USP40: variants seen among roughly 807,000 people sequenced by gnomAD.
The protein encoded by USP40 is ubiquitin carboxyl-terminal hydrolase 40.
In USP40, 143 loss-of-function variants were observed where a neutral mutation model predicts 166.2. The ratio of observed to expected loss-of-function variants is 0.86; its 90% CI spans 0.75 to 0.99. The LOEUF is 0.99. Ranked by LOEUF, USP40 falls within the 50% of genes least tolerant of loss-of-function variation. USP40 has a pLI of 0.00. For synonymous variants in USP40, 498 were observed against 524.0 expected (o/e 0.95, Z 0.68); for missense variants, 1,444 against 1,479.7 (o/e 0.98, Z 0.40).
chr2:233,561,286 C>T (rs1331584133), intron 3 of USP40: 1 of 1,348,896 alleles, frequency 7.4e-7, no homozygotes. Flanking sequence ...AAGAACAAAG[C>T]TGGAGGCATC....
In USP40 at chr2:233,565,529, T is replaced by G; in HGVS notation, c.26A>C (p.Glu9Ala). 1.3e-6 allele frequency: 2 copies of G among 1,537,304 alleles called. No homozygotes were observed. Among genetic ancestry groups the G allele is most frequent in the Non-Finnish European group, 1.7e-6 (2 of 1,146,844 alleles). The change falls in exon 2 of 32, where the codon GAG becomes GCG. Residue 9 changes from glutamate (E) to alanine (A), a missense_variant. Physicochemically the swap from Glu to Ala is moderately radical, Grantham distance 107. Transcript: ENST00000678225. ...CTGATTATTAGACACAGTGGAATAC[T>G]CCTCTTCAAACAGGTCCCCAAACAT... MFGDLFEE[E>A]YSTVSNNQYG...
chr2:233,538,303 ATAAC>A (rs2069089067), intron 10 of USP40, among the ~76,000 whole-genome samples: 1 of 152,292 alleles, frequency 6.6e-6, no homozygotes, highest in African/African-American at 2.4e-5. Flanking sequence ...ATTAATGTAA[ATAAC>A]TAAACATTCT....
intron 18 of USP40, among the ~76,000 whole-genome samples, chr2:233,513,894 T>C (rs975996304): frequency 4.6e-5 from 7 of 152,128 alleles, no homozygotes; most frequent in African/African-American, 4.8e-5. Flanking sequence ...TAGACAACAA[T>C]AGTCTGAGCC....
At chr2:233,494,962 A>ATATATATATATATATATATATATT (rs2065642542) in intron 24 of USP40, among the ~76,000 whole-genome samples, 1 of 71,398 alleles carries the variant, frequency 1.4e-5, no homozygotes. Flanking sequence ...ATATTTATAT[A>ATATATATATATATATATATATATT]TATATATATA....
Position 233,519,640 on chromosome 2 carries a change from T to C in USP40, c.2357A>G (p.Lys786Arg), listed in dbSNP as rs2067513247. 1 of 1,434,596 alleles carries C rather than the reference T, an allele frequency of 7.0e-7. No homozygotes were observed. The highest frequency in any genetic ancestry group is 2.0e-5 in the Admixed American group (1 of 49,258). The allele number at this position is 1,434,596 out of a possible 1,614,324, so 88.9% of individuals were successfully genotyped here. A position where few individuals can be genotyped will look rare whatever the true frequency, so the allele number is the denominator to read the frequency against. Residue 786 changes from lysine to arginine, a missense_variant, in exon 18 of 32, where the codon AAG becomes AGG. Coordinates refer to ENST00000678225, the MANE Select transcript of USP40 (RefSeq NM_001365479.2). The stretch of plus-strand genomic sequence containing the variant: ...TAGTTCCTTCATTAATTTTAATTCC[T>C]TTATGGCTTTAATTCGAATATCAAA... Reference protein sequence around the residue: ...MVFDIRIKAIKELKLMKELAD... With the variant: ...MVFDIRIKAIRELKLMKELAD...
intron 25 of USP40, among the ~76,000 whole-genome samples, chr2:233,492,285 G>C (rs528237763): frequency 3.9e-5 from 6 of 152,138 alleles, no homozygotes; most frequent in Non-Finnish European, 8.8e-5. Flanking sequence ...TGTGTAGGAG[G>C]CTCTACCATC....
chr2:233,562,460 C>T (rs576974088), intron 3 of USP40, among the ~76,000 whole-genome samples: 20 of 149,924 alleles, frequency 1.3e-4, no homozygotes, highest in Non-Finnish European at 2.8e-4. Context: ...TAAACTATCG[C>T]AAGAACAAAA....
chr2:233,518,972 T>G (rs838548), intron 18 of USP40, among the ~76,000 whole-genome samples: 31,684 of 152,126 alleles, frequency 0.21, 3,380 homozygotes, highest in African/African-American at 0.22. Flanking sequence ...AATCATGGAC[T>G]AACCTCAAAA....
chr2:233,525,768 C>T (rs72982325), intron 13 of USP40, among the ~76,000 whole-genome samples: 13,936 of 152,188 alleles, frequency 0.092, 675 homozygotes, highest in South Asian at 0.13. Flanking sequence ...CTCCTCCATT[C>T]CTGAGTGAAG....
rs1187702433 is a variant in USP40, at chr2:233,499,824, C to T, written c.2650+55G>A. The T allele has an allele frequency of 2.7e-5, 42 of 1,546,840 alleles. No homozygotes were observed. The East Asian group carries it at 9.1e-4, about 33-fold the overall frequency. On this transcript the variant is annotated intron_variant, in intron 22 of 31. Coordinates refer to ENST00000678225, the MANE Select transcript of USP40 (RefSeq NM_001365479.2). ...CTACAACCCTGGAGAAAAAAAAAGT[C>T]AAAAAAATTTTTATTAGGCTTTTAA...
chr2:233,532,451 T>A (rs1046304054), intron 11 of USP40, among the ~76,000 whole-genome samples: 1 of 152,196 alleles, frequency 6.6e-6, no homozygotes, highest in Non-Finnish European at 1.5e-5. Flanking sequence ...GAGGTGAGCA[T>A]GAAGTGGCCA....
chr2:233,522,485 G>A (rs1431395865), intron 16 of USP40, among the ~76,000 whole-genome samples: 1 of 152,206 alleles, frequency 6.6e-6, no homozygotes, highest in East Asian at 1.9e-4. Flanking sequence ...TATAAATAAT[G>A]ATACAGACAT....
At chr2:233,518,239 A>G (rs2125196555) in intron 18 of USP40, among the ~76,000 whole-genome samples, 1 of 123,440 alleles carries the variant, frequency 8.1e-6, no homozygotes, top group Non-Finnish European at 1.7e-5. Flanking sequence ...AAACCAAACC[A>G]GTAACAGATT....
At chr2:233,542,583 C>G (rs750327312) in intron 8 of USP40, 89 of 382,118 alleles carry the variant, frequency 2.3e-4, no homozygotes, top group Non-Finnish European at 4.0e-4. Flanking sequence ...GAGGTTGAGG[C>G]GGGAGGACTG....
chr2:233,486,088 G>A lies in USP40; in HGVS notation c.3198-111C>T. Reference sequence around the variant, plus strand: ...CTCCAGCTTTTCTGGTTTTTATAAGGAGAGATTTTTCCCTAAATGCTGGAT... The same window carrying A: ...CTCCAGCTTTTCTGGTTTTTATAAGAAGAGATTTTTCCCTAAATGCTGGAT... On this transcript the variant is annotated intron_variant, in intron 28 of 31. Coordinates refer to ENST00000678225, the MANE Select transcript of USP40 (RefSeq NM_001365479.2). This position sits in a 1 kb window ranked among gnomAD's most constrained non-coding sequence, Gnocchi z 4.0. 8.1e-7 allele frequency: 1 copy of A among 1,229,774 alleles called. No individual in the cohort carries two copies. The highest frequency in any genetic ancestry group is 1.1e-6 in the Non-Finnish European group (1 of 899,604). The allele number at this position is 1,229,774 out of a possible 1,614,324, so 76.2% of individuals were successfully genotyped here. A position where few individuals can be genotyped will look rare whatever the true frequency, so the allele number is the denominator to read the frequency against.
At chr2:233,494,977 TA>T (rs1559224540) in intron 24 of USP40, among the ~76,000 whole-genome samples, 1 of 96,736 alleles carries the variant, frequency 1.0e-5, no homozygotes, top group African/African-American at 5.5e-5. Flanking sequence ...TATATATATA[TA>T]TACACACACA....
intron 3 of USP40, 125 bp from the exon 4 acceptor site, chr2:233,560,049 T>C: frequency 1.8e-6 from 1 of 570,468 alleles, no homozygotes; most frequent in Admixed American, 3.5e-5. Context: ...ATAAATATCC[T>C]ATTATAAGGG....
chr2:233,556,866 T>G lies in USP40; in HGVS notation c.535A>C (p.Ser179Arg). The change falls in exon 5 of 32, where the codon AGC (serine) becomes CGC (arginine). Residue 179 changes from serine to arginine, a missense_variant. Coordinates refer to ENST00000678225, the MANE Select transcript of USP40 (RefSeq NM_001365479.2). ...TCTGGCATATTTACCTGCCTCTCGC[T>G]AACGTTCTTACATTCTTTACAAACA... is the stretch of plus-strand genomic sequence containing the variant. ...QIVCKECKNVSERQEDFLDLT... is the reference protein window; with the variant it reads ...QIVCKECKNVRERQEDFLDLT... The G allele has an allele frequency of 6.2e-7, 1 of 1,609,328 alleles. No individual in the cohort carries two copies. The highest frequency in any genetic ancestry group is 8.5e-7 in the Non-Finnish European group (1 of 1,178,720).
chr2:233,492,652 A>C (rs1238992324), intron 25 of USP40: 1 of 152,212 alleles, frequency 6.6e-6, no homozygotes, highest in African/African-American at 2.4e-5. Flanking sequence ...AAGAATAAGG[A>C]GATAAGAATT....
Sources: gnomAD v4.1 joint callset for allele counts (sites outside exome capture counted in the v4.1 genomes callset) on GRCh38, gnomAD v4.1.1 for gene constraint, Gnocchi (gnomAD v3.1) non-coding constraint, MANE v1.5 for transcripts, NCBI Gene and HGNC (gene_info 2026-07-23, HGNC 2026-07-21) for gene names.